NDUFAF2: variants seen among roughly 807,000 people sequenced by gnomAD.
NDUFAF2 encodes the protein NADH:ubiquinone oxidoreductase complex assembly factor 2, also known as NADH dehydrogenase [ubiquinone] 1 alpha subcomplex assembly factor 2.
NDUFAF2 carries 13 observed loss-of-function variants against 22.8 expected under a neutral mutation model. The ratio of observed to expected loss-of-function variants is 0.57; its 90% CI spans 0.37 to 0.91. NDUFAF2 has a LOEUF of 0.91. NDUFAF2 is among the 40% of genes least tolerant of loss of function. The pLI, the probability that NDUFAF2 is intolerant of heterozygous loss-of-function variation, is 0.01. For missense variants in NDUFAF2, 162 were observed against 195.2 expected (o/e 0.83, Z 1.01); for synonymous variants, 53 against 64.2 (o/e 0.83, Z 0.84).
At chr5:60,946,732 T>C (rs564977621) in intron 1 of NDUFAF2, among the ~76,000 whole-genome samples, 1 of 152,316 alleles carries the variant, frequency 6.6e-6, no homozygotes, top group Admixed American at 6.5e-5. Flanking sequence ...ATGAGTAGAG[T>C]AACCTCACTG....
At chr5:61,045,511 T>C (rs1219311249) in intron 1 of NDUFAF2, among the ~76,000 whole-genome samples, 2 of 151,950 alleles carry the variant, frequency 1.3e-5, no homozygotes, top group South Asian at 2.1e-4. Flanking sequence ...GTTTTTTTAC[T>C]TTATTTTTTT....
intron 1 of NDUFAF2, among the ~76,000 whole-genome samples, chr5:60,976,304 CT>C (rs35600173): frequency 0.53 from 79,000 of 148,090 alleles, 22,853 homozygotes; most frequent in East Asian, 0.94. Flanking sequence ...AATGTATGTG[CT>C]TTTTTTTTTT....
chr5:60,969,929 T>C (rs1750806048), intron 1 of NDUFAF2, among the ~76,000 whole-genome samples: 1 of 152,148 alleles, frequency 6.6e-6, no homozygotes. Context: ...TCTAATTTCA[T>C]TTTTCTGCAT....
At chr5:61,033,217 T>C (rs1580104442) in intron 1 of NDUFAF2, among the ~76,000 whole-genome samples, 1 of 152,188 alleles carries the variant, frequency 6.6e-6, no homozygotes. Flanking sequence ...CTATTATTGG[T>C]GTATAGGAAT....
chr5:61,037,917 A>G (rs562406708), intron 1 of NDUFAF2, among the ~76,000 whole-genome samples: 1 of 152,118 alleles, frequency 6.6e-6, no homozygotes, highest in East Asian at 1.9e-4. Flanking sequence ...TAATACAGGC[A>G]CATGGTGCAG....
At chr5:61,043,673 G>GTA (rs1227670515) in intron 1 of NDUFAF2, among the ~76,000 whole-genome samples, 2 of 141,974 alleles carry the variant, frequency 1.4e-5, no homozygotes, top group East Asian at 3.9e-4. Context: ...TTTGAAAGCT[G>GTA]TATATATGTG....
At chr5:60,954,322 AT>A (rs759684423) in intron 1 of NDUFAF2, among the ~76,000 whole-genome samples, 2 of 152,190 alleles carry the variant, frequency 1.3e-5, no homozygotes, top group Non-Finnish European at 2.9e-5. Context: ...AGAGGAAAAT[AT>A]GAGAATAATT....
chr5:60,987,171 C>T (rs900537153), intron 1 of NDUFAF2, among the ~76,000 whole-genome samples: 2 of 152,112 alleles, frequency 1.3e-5, no homozygotes, highest in Non-Finnish European at 2.9e-5. Context: ...AAACTAGAAA[C>T]TCCAGAAGAA....
In NDUFAF2 at chr5:60,997,941, T is replaced by C. The variant is rs115064107; in HGVS notation, c.127+52559T>C. On this transcript the variant is annotated intron_variant, in intron 1 of 3. Coordinates refer to ENST00000296597, the MANE Select transcript of NDUFAF2 (RefSeq NM_174889.5). ...ACCTTCCAGGCTTCCTACTAAATTATTGGCAGCAAAGCACTAATGTGCCTC... is the reference window on the plus strand; with the variant it reads ...ACCTTCCAGGCTTCCTACTAAATTACTGGCAGCAAAGCACTAATGTGCCTC... Among the ~76,000 whole-genome samples the C allele has an allele frequency of 7.2e-3, 1,099 of 152,328 alleles. 10 individuals are homozygous for C. The highest frequency in any genetic ancestry group is 0.025 in the African/African-American group (1,055 of 41,584).
At chr5:61,079,082 CAT>C (rs1752406964) in intron 2 of NDUFAF2, among the ~76,000 whole-genome samples, 1 of 152,146 alleles carries the variant, frequency 6.6e-6, no homozygotes, top group Non-Finnish European at 1.5e-5. Flanking sequence ...TTACTTATCA[CAT>C]ATACTCATTA....
intron 3 of NDUFAF2, among the ~76,000 whole-genome samples, chr5:61,118,740 A>C (rs1347054258): frequency 6.6e-6 from 1 of 152,214 alleles, no homozygotes; most frequent in Non-Finnish European, 1.5e-5. Flanking sequence ...ATAGTTTTTC[A>C]AAAGTCTTTG....
chr5:61,047,142 G>A (rs1304115324), intron 1 of NDUFAF2, among the ~76,000 whole-genome samples: 2 of 151,576 alleles, frequency 1.3e-5, no homozygotes, highest in Non-Finnish European at 2.9e-5. Flanking sequence ...GTCAAAACCT[G>A]ACTTATGATG....
intron 3 of NDUFAF2, among the ~76,000 whole-genome samples, chr5:61,135,258 A>T (rs1353022277): frequency 2.6e-5 from 4 of 152,076 alleles, no homozygotes; most frequent in African/African-American, 9.7e-5. Flanking sequence ...TTTCTATTCT[A>T]AGGAGCCAGG....
At chr5:61,119,895 T>C (rs1447446461) in intron 3 of NDUFAF2, among the ~76,000 whole-genome samples, 2 of 152,154 alleles carry the variant, frequency 1.3e-5, no homozygotes, top group Non-Finnish European at 2.9e-5. Context: ...AAATTTAATA[T>C]AACAGTACAT....
At chr5:61,123,890 C>T (rs1561572056) in intron 3 of NDUFAF2, among the ~76,000 whole-genome samples, 1 of 151,938 alleles carries the variant, frequency 6.6e-6, no homozygotes, top group Non-Finnish European at 1.5e-5. Context: ...TGAAATATGC[C>T]ATATGATCTG....
intron 1 of NDUFAF2, among the ~76,000 whole-genome samples, chr5:60,973,355 G>C (rs1750861053): frequency 6.6e-6 from 1 of 151,868 alleles, no homozygotes; most frequent in Admixed American, 6.6e-5. Context: ...TTGCTTGCTT[G>C]TTTGTTTGTT....
intron 3 of NDUFAF2, among the ~76,000 whole-genome samples, chr5:61,148,318 A>G (rs1411305082): frequency 2.6e-5 from 4 of 152,186 alleles, no homozygotes; most frequent in Non-Finnish European, 5.9e-5. Context: ...CCTATTGTCC[A>G]GTATCTGAAA....
intron 1 of NDUFAF2, among the ~76,000 whole-genome samples, chr5:61,038,612 CTCTT>C (rs1486911702): frequency 6.6e-6 from 1 of 152,138 alleles, no homozygotes; most frequent in African/African-American, 2.4e-5. Context: ...GTATTTTTCT[CTCTT>C]ACCTTTTAAA....
chr5:61,110,119 A>T (rs1273857108), intron 3 of NDUFAF2, among the ~76,000 whole-genome samples: 2 of 152,146 alleles, frequency 1.3e-5, no homozygotes, highest in Non-Finnish European at 2.9e-5. Context: ...CATATGTTGA[A>T]CCATCTTTGC....
Sources: allele counts gnomAD v4.1 joint callset (sites outside exome capture counted in the v4.1 genomes callset), GRCh38; gene constraint gnomAD v4.1.1; transcripts MANE v1.5; gene names NCBI Gene and HGNC (gene_info 2026-07-23, HGNC 2026-07-21).